PSD3: variants seen among roughly 807,000 people sequenced by gnomAD.
PSD3 encodes pleckstrin and Sec7 domain containing 3.
A neutral mutation model predicts 105.5 loss-of-function variants in PSD3; 49 were observed. That is an observed-to-expected ratio of 0.46 (90% CI 0.37 to 0.59). PSD3 has a LOEUF of 0.59. Ranked by LOEUF, PSD3 falls within the 20% of genes least tolerant of loss-of-function variation. The probability of loss-of-function intolerance (pLI) is 0.00; values close to 1 mark genes in which losing one functional copy is unlikely to be tolerated. For synonymous variants in PSD3, 557 were observed against 457.8 expected, an observed-to-expected ratio of 1.22 and a Z score of -2.77; for missense variants, 1,561 against 1,263.8, an observed-to-expected ratio of 1.24 and a Z score of -3.57.
In PSD3 at chr8:18,998,837, C is replaced by A. The variant is rs1320957313; in HGVS notation, c.21+14726G>T. On this transcript the variant is annotated intron_variant, in intron 1 of 15. Coordinates refer to ENST00000327040, the MANE Select transcript of PSD3 (RefSeq NM_015310.4). ...TACAAAGCACTTTATAGTTATGATA[C>A]ATAAATTCCAGGTGTAACCCATTTT... Among the ~76,000 whole-genome samples, 6 of 145,208 alleles carry A rather than the reference C, an allele frequency of 4.1e-5. No individual in the cohort carries two copies. In the East Asian group the frequency reaches 1.2e-3, roughly 30 times the overall value.
intron 12 of PSD3, among the ~76,000 whole-genome samples, chr8:18,580,091 T>C (rs1222086826): frequency 2.0e-5 from 3 of 152,204 alleles, no homozygotes; most frequent in Non-Finnish European, 4.4e-5. Context: ...TTTTAAAAAA[T>C]GCTAAGTATG....
In PSD3 at chr8:19,052,211, C is replaced by T. The variant is rs542488876; in HGVS notation, c.324+31995G>A. ...AAAAGTGGCCGGGCACGGTGGCTCA[C>T]GCCTGTAATCCCAGCACTTTGGGAG... On this transcript the variant is annotated intron_variant, in intron 1 of 1. Coordinates refer to the PSD3 transcript ENST00000521475. Among the ~76,000 whole-genome samples, 19 of 152,282 alleles carry T rather than the reference C, an allele frequency of 1.2e-4. No individual in the cohort carries two copies. In the South Asian group the frequency reaches 3.3e-3, roughly 27 times the overall value.
chr8:18,543,972 C>G (rs1403258460), intron 15 of PSD3, among the ~76,000 whole-genome samples: 1 of 152,032 alleles, frequency 6.6e-6, no homozygotes, highest in Non-Finnish European at 1.5e-5. Flanking sequence ...GCAATTTTAA[C>G]TGACTGCTCC....
At chr8:18,931,121 C>T (rs560846845) in intron 2 of PSD3, among the ~76,000 whole-genome samples, 1 of 151,140 alleles carries the variant, frequency 6.6e-6, no homozygotes, top group Admixed American at 6.7e-5. Flanking sequence ...ATCTTTTGCC[C>T]ATTTTTTTTT....
At chr8:18,834,121 T>C (rs2129450672) in intron 4 of PSD3, among the ~76,000 whole-genome samples, 1 of 152,284 alleles carries the variant, frequency 6.6e-6, no homozygotes, top group African/African-American at 2.4e-5. Flanking sequence ...CACTAATCCC[T>C]CTAAAATGTA....
Position 18,532,825 on chromosome 8 carries a change from C to G in PSD3, c.*2918G>C, listed in dbSNP as rs1445929366. On this transcript the variant is annotated 3_prime_UTR_variant, in exon 16 of 16. Transcript: ENST00000327040. ...AATTCAGATTTTATACATGGGCCAC[C>G]TGTATGGTCAATTTTGCAACAACAC... 1 of 152,138 alleles carries G rather than the reference C, an allele frequency of 6.6e-6. No homozygotes were observed. Among genetic ancestry groups the G allele is most frequent in the East Asian group, 1.9e-4 (1 of 5,190 alleles). The allele number at this position is 152,138 out of a possible 1,614,324, so 9.4% of individuals were successfully genotyped here.
chr8:18,824,339 C>T (rs973545570), intron 4 of PSD3, among the ~76,000 whole-genome samples: 9 of 152,140 alleles, frequency 5.9e-5, no homozygotes, highest in Non-Finnish European at 1.0e-4. Flanking sequence ...GAAAGGAAGG[C>T]AACATGGTGA....
intron 1 of PSD3, among the ~76,000 whole-genome samples, chr8:19,009,046 T>G (rs1453793739): frequency 6.6e-6 from 1 of 152,258 alleles, no homozygotes; most frequent in Non-Finnish European, 1.5e-5. Flanking sequence ...CATTTTAATT[T>G]GTTAATCTGC....
At chr8:18,612,463 C>T (rs1256180625) in intron 11 of PSD3, among the ~76,000 whole-genome samples, 1 of 151,762 alleles carries the variant, frequency 6.6e-6, no homozygotes, top group Non-Finnish European at 1.5e-5. Flanking sequence ...ACCTCCACCT[C>T]CTGGGTTCAA....
chr8:18,576,346 G>GA (rs1405912659), intron 12 of PSD3, among the ~76,000 whole-genome samples: 1 of 152,040 alleles, frequency 6.6e-6, no homozygotes, highest in Non-Finnish European at 1.5e-5. Flanking sequence ...GTTACTTTGG[G>GA]ATTGCAACAA....
rs1047345515 is a variant in PSD3 at position 18,537,765 on chromosome 8, C to T, written c.2929-1807G>A. On this transcript the variant is annotated intron_variant, in intron 15 of 15. Transcript: ENST00000327040. ...GATCTCAGCTCACCGCAACCTCCAC[C>T]GCCTGGGTTCTAGCAATTCTCCTGC... Among the ~76,000 whole-genome samples, 13 of 152,204 alleles carry T rather than the reference C, an allele frequency of 8.5e-5. No homozygotes were observed. In the East Asian group the frequency reaches 9.7e-4, roughly 11 times the overall value.
At chr8:18,777,689 A>G (rs1185614839) in intron 8 of PSD3, among the ~76,000 whole-genome samples, 1 of 152,226 alleles carries the variant, frequency 6.6e-6, no homozygotes, top group East Asian at 1.9e-4. Context: ...CAAATCTTCC[A>G]GCTATTTTGA....
At position 18,618,663 on chromosome 8, in the gene PSD3, C is replaced by T. The variant is rs549239413; in HGVS notation, c.2410+13950G>A. 2.0e-5 allele frequency among the ~76,000 whole-genome samples: 3 copies of T among 151,588 alleles called. No homozygotes were observed. The East Asian group carries it at 5.8e-4, about 29-fold the overall frequency. Reference sequence around the variant, plus strand: ...GGTATTAGCCGTATTTGATTGCTCTCACCTTAAGGTTTTTGCATTTTTTTT... The same window carrying T: ...GGTATTAGCCGTATTTGATTGCTCTTACCTTAAGGTTTTTGCATTTTTTTT... On this transcript the variant is annotated intron_variant, in intron 11 of 15. Coordinates refer to ENST00000327040, the MANE Select transcript of PSD3 (RefSeq NM_015310.4).
intron 4 of PSD3, among the ~76,000 whole-genome samples, chr8:18,809,700 T>C (rs1288900247): frequency 6.6e-6 from 1 of 152,218 alleles, no homozygotes; most frequent in Non-Finnish European, 1.5e-5. Flanking sequence ...AATAATGGTG[T>C]TCCATGATTG....
chr8:18,582,649 C>A (rs1802892336), intron 12 of PSD3, among the ~76,000 whole-genome samples: 1 of 152,018 alleles, frequency 6.6e-6, no homozygotes, highest in South Asian at 2.1e-4. Flanking sequence ...TGGACACATC[C>A]ATTTATTATT....
intron 1 of PSD3, among the ~76,000 whole-genome samples, chr8:19,072,756 C>T (rs1829312599): frequency 6.6e-6 from 1 of 152,202 alleles, no homozygotes; most frequent in South Asian, 2.1e-4. Context: ...CAGGGAGGCT[C>T]TCCAGGGTCT....
intron 14 of PSD3, among the ~76,000 whole-genome samples, chr8:18,572,065 T>A (rs1186008736): frequency 6.6e-6 from 1 of 152,190 alleles, no homozygotes; most frequent in East Asian, 1.9e-4. Flanking sequence ...TCCATTCAGC[T>A]CTGCTCTGAG....
intron 9 of PSD3, among the ~76,000 whole-genome samples, chr8:18,738,462 T>C (rs188651739): frequency 3.3e-5 from 5 of 152,316 alleles, no homozygotes; most frequent in Non-Finnish European, 7.3e-5. Context: ...CCTATGATGT[T>C]TATACTGTGA....
intron 8 of PSD3, among the ~76,000 whole-genome samples, chr8:18,791,002 G>T (rs945039152): frequency 1.2e-4 from 19 of 152,160 alleles, no homozygotes; most frequent in African/African-American, 4.3e-4. Flanking sequence ...ACATACCTAG[G>T]AATACAGCTA....
Sources: allele counts gnomAD v4.1 joint callset (sites outside exome capture counted in the v4.1 genomes callset), GRCh38; gene constraint gnomAD v4.1.1; transcripts MANE v1.5; gene names NCBI Gene and HGNC (gene_info 2026-07-23, HGNC 2026-07-21).